PTPRD: variants seen among roughly 807,000 people sequenced by gnomAD.
PTPRD encodes the protein receptor-type tyrosine-protein phosphatase delta.
A neutral mutation model predicts 214.5 loss-of-function variants in PTPRD; 34 were observed. The ratio of observed to expected loss-of-function variants is 0.16; its 90% confidence interval spans 0.12 to 0.21. The LOEUF (loss-of-function observed/expected upper bound fraction) is 0.21, where lower values mean the gene tolerates loss of function less well. Ranked by LOEUF, PTPRD falls within the 10% of genes least tolerant of loss-of-function variation. The pLI is 1.00. For synonymous variants in PTPRD, 1,128 were observed against 845.7 expected, an observed-to-expected ratio of 1.33 and a Z score of -5.79; for missense variants, 2,545 against 2,398.7, an observed-to-expected ratio of 1.06 and a Z score of -1.27.
intron 11 of PTPRD, among the ~76,000 whole-genome samples, chr9:8,775,547 T>C (rs2890831): frequency 0.71 from 108,269 of 152,120 alleles, 38,574 homozygotes; most frequent in Middle Eastern, 0.81. Flanking sequence ...AAGGCCTTAG[T>C]CACATGTACT....
chr9:9,942,984 C>T (rs1042689550), intron 4 of PTPRD, among the ~76,000 whole-genome samples: 2 of 151,690 alleles, frequency 1.3e-5, no homozygotes, highest in South Asian at 2.1e-4. Flanking sequence ...GCCACAGTGC[C>T]CTCTGGTGGC....
chr9:9,221,941 A>G (rs1222271685), intron 9 of PTPRD, among the ~76,000 whole-genome samples: 1 of 152,074 alleles, frequency 6.6e-6, no homozygotes, highest in African/African-American at 2.4e-5. Context: ...CTGAGTCACA[A>G]TCTGCATTTT....
chr9:10,067,865 CT>C (rs1567464108), intron 3 of PTPRD, among the ~76,000 whole-genome samples: 2 of 151,852 alleles, frequency 1.3e-5, no homozygotes, highest in East Asian at 3.9e-4. Context: ...GATTGTAGCA[CT>C]TGCCAATTTT....
intron 8 of PTPRD, among the ~76,000 whole-genome samples, chr9:9,552,908 C>T (rs1362566923): frequency 6.6e-6 from 1 of 152,062 alleles, no homozygotes; most frequent in East Asian, 1.9e-4. Flanking sequence ...CAGACAAGCT[C>T]TACTGACAGT....
intron 8 of PTPRD, among the ~76,000 whole-genome samples, chr9:9,537,879 AT>A (rs5896340): frequency 4.0e-5 from 6 of 151,706 alleles, no homozygotes; most frequent in African/African-American, 9.7e-5. Context: ...GAGCTTATTA[AT>A]TTTTTTCATA....
At chr9:9,723,017 TA>T (rs2097993158) in intron 7 of PTPRD, among the ~76,000 whole-genome samples, 1 of 152,104 alleles carries the variant, frequency 6.6e-6, no homozygotes, top group Non-Finnish European at 1.5e-5. Flanking sequence ...TGGCATTATT[TA>T]AAGCACAGAA....
At chr9:10,412,633 A>AACACAC (rs150312961) in intron 2 of PTPRD, among the ~76,000 whole-genome samples, 7 of 147,754 alleles carry the variant, frequency 4.7e-5, no homozygotes, top group African/African-American at 2.5e-5. Flanking sequence ...CACACACACA[A>AACACAC]ACACACACAC....
Position 10,078,410 on chromosome 9 carries a change from G to A in PTPRD, c.-544-44620C>T, listed in dbSNP as rs146879303. 5.9e-3 allele frequency among the ~76,000 whole-genome samples: 882 copies of A among 149,574 alleles called. 2 individuals carry two copies. The highest frequency in any genetic ancestry group is 0.027 in the Admixed American group (404 of 14,936). The stretch of plus-strand genomic sequence containing the variant: ...GTGCCCCTATAATCCCAGCTACTCA[G>A]GAGGCTGAGGAAGGAGAATTGCTTG... On this transcript the variant is annotated intron_variant, in intron 3 of 45. Coordinates refer to ENST00000381196, the MANE Select transcript of PTPRD (RefSeq NM_002839.4).
At chr9:8,998,908 G>C (rs1031829780) in intron 11 of PTPRD, among the ~76,000 whole-genome samples, 2 of 152,100 alleles carry the variant, frequency 1.3e-5, no homozygotes, top group African/African-American at 4.8e-5. Flanking sequence ...AGTGGAGGAA[G>C]TAACTGCAGA....
At position 9,325,367 on chromosome 9, in the gene PTPRD, T is replaced by C. The variant is rs191938670; in HGVS notation, c.-203+72082A>G. On this transcript the variant is annotated intron_variant, in intron 9 of 45. Transcript: ENST00000381196. ...TTTGTTTGTATCCTTTTTTATTTCATTGAGCAGTGGTTTGTAGTTCTCCTT... is the reference window on the plus strand; with the variant it reads ...TTTGTTTGTATCCTTTTTTATTTCACTGAGCAGTGGTTTGTAGTTCTCCTT... Among the ~76,000 whole-genome samples the C allele has an allele frequency of 4.6e-3, 697 of 152,256 alleles. 8 individuals carry two copies. The highest frequency in any genetic ancestry group is 0.016 in the African/African-American group (645 of 41,510).
chr9:10,220,440 T>C (rs2099565867), intron 3 of PTPRD, among the ~76,000 whole-genome samples: 1 of 151,898 alleles, frequency 6.6e-6, no homozygotes, highest in South Asian at 2.1e-4. Context: ...CCAAAAAGAA[T>C]ACCCAGGCAA....
chr9:9,440,339 G>A (rs914160711), intron 8 of PTPRD, among the ~76,000 whole-genome samples: 1 of 151,944 alleles, frequency 6.6e-6, no homozygotes, highest in African/African-American at 2.4e-5. Flanking sequence ...GTCGTGGTTT[G>A]TACTTGTTTT....
At chr9:10,433,224 C>A (rs1036669800) in intron 2 of PTPRD, among the ~76,000 whole-genome samples, 1 of 151,868 alleles carries the variant, frequency 6.6e-6, no homozygotes. Context: ...TTATCTATTT[C>A]TGTAAATATA....
At position 8,745,930 on chromosome 9, in the gene PTPRD, C is replaced by T. The variant is rs139638345; in HGVS notation, c.-103-11984G>A. On this transcript the variant is annotated intron_variant, in intron 11 of 45. Transcript: ENST00000381196. Reference sequence around the variant, plus strand: ...CTCCCGCCTCTACCCCCAGAGTATCCGGGAATACTGGCAAGTGCCACCACA... The same window carrying T: ...CTCCCGCCTCTACCCCCAGAGTATCTGGGAATACTGGCAAGTGCCACCACA... Among the ~76,000 whole-genome samples, 344 of 152,122 alleles carry T rather than the reference C, an allele frequency of 2.3e-3. 2 individuals are homozygous for T. Among genetic ancestry groups the T allele is most frequent in the Middle Eastern group, 6.8e-3 (2 of 294 alleles).
intron 8 of PTPRD, among the ~76,000 whole-genome samples, chr9:9,458,823 C>T (rs1371905195): frequency 6.6e-6 from 1 of 151,976 alleles, no homozygotes; most frequent in East Asian, 1.9e-4. Flanking sequence ...GCCTGCAGTC[C>T]CAGCTACTTG....
chr9:9,415,116 TA>T (rs1428735198), intron 8 of PTPRD, among the ~76,000 whole-genome samples: 1 of 152,138 alleles, frequency 6.6e-6, no homozygotes, highest in African/African-American at 2.4e-5. Flanking sequence ...CAGATAGCAA[TA>T]ACTGCTATGC....
chr9:9,240,084 T>A (rs2099969619), intron 9 of PTPRD, among the ~76,000 whole-genome samples: 1 of 152,158 alleles, frequency 6.6e-6, no homozygotes, highest in African/African-American at 2.4e-5. Flanking sequence ...GCACAAATAT[T>A]AAGAATAAGT....
At chr9:8,555,337 G>A (rs1321361322) in intron 14 of PTPRD, among the ~76,000 whole-genome samples, 4 of 152,138 alleles carry the variant, frequency 2.6e-5, no homozygotes, top group African/African-American at 7.2e-5. Flanking sequence ...AGCACAGGAG[G>A]ACAAAGCTGC....
At chr9:9,374,689 G>A (rs2140000574) in intron 9 of PTPRD, among the ~76,000 whole-genome samples, 1 of 152,288 alleles carries the variant, frequency 6.6e-6, no homozygotes, top group South Asian at 2.1e-4. Context: ...TGACTGTTCA[G>A]AGTATTGCCA....
Sources: allele counts gnomAD v4.1 joint callset (sites outside exome capture counted in the v4.1 genomes callset), GRCh38; gene constraint gnomAD v4.1.1; transcripts MANE v1.5; gene names NCBI Gene and HGNC (gene_info 2026-07-23, HGNC 2026-07-21).